KLHL29: variants seen among roughly 807,000 people sequenced by gnomAD.
The protein encoded by KLHL29 is kelch-like protein 29.
KLHL29 carries 21 observed loss-of-function variants against 80.4 expected under a neutral mutation model. The observed-to-expected ratio is 0.26, with a 90% CI of 0.19 to 0.38. The LOEUF is 0.38. Among genes scored for constraint, KLHL29 ranks in the 10% least tolerant of loss-of-function variants. The pLI, the probability that KLHL29 is intolerant of heterozygous loss-of-function variation, is 1.00. For missense variants in KLHL29, 867 were observed against 1,223.9 expected (o/e 0.71, Z 4.35); for synonymous variants, 511 against 526.8 (o/e 0.97, Z 0.41).
chr2:23,592,463 AG>A (rs1558400921), intron 3 of KLHL29, among the ~76,000 whole-genome samples: 2 of 152,238 alleles, frequency 1.3e-5, no homozygotes, highest in African/African-American at 4.8e-5. Context: ...GGAGCCAAGC[AG>A]GGACCTAGCA....
chr2:23,619,506 A>T (rs1222137875), intron 3 of KLHL29, among the ~76,000 whole-genome samples: 2 of 152,138 alleles, frequency 1.3e-5, no homozygotes, highest in Non-Finnish European at 2.9e-5. Flanking sequence ...ACTGACACTG[A>T]TGTGAGGAAA....
At chr2:23,554,069 G>A (rs1252051471) in intron 2 of KLHL29, among the ~76,000 whole-genome samples, 1 of 152,182 alleles carries the variant, frequency 6.6e-6, no homozygotes, top group Non-Finnish European at 1.5e-5. Context: ...ATGGGGCTGG[G>A]GGTCACTGGG....
At chr2:23,632,663 A>G (rs1331711993) in intron 3 of KLHL29, among the ~76,000 whole-genome samples, 2 of 152,200 alleles carry the variant, frequency 1.3e-5, no homozygotes, top group Admixed American at 6.5e-5. Flanking sequence ...CACTGTGCGA[A>G]TTTGCTCTTG....
intron 1 of KLHL29, among the ~76,000 whole-genome samples, chr2:23,444,846 ATTCT>A (rs1367975839): frequency 6.6e-6 from 1 of 152,180 alleles, no homozygotes; most frequent in East Asian, 1.9e-4. Context: ...ATTTGAAAAA[ATTCT>A]TTGTGTGATT....
At chr2:23,390,553 T>G (rs1666292490) in intron 1 of KLHL29, among the ~76,000 whole-genome samples, 1 of 152,064 alleles carries the variant, frequency 6.6e-6, no homozygotes, top group African/African-American at 2.4e-5. Flanking sequence ...CACACATATA[T>G]ATACACATAC....
intron 3 of KLHL29, among the ~76,000 whole-genome samples, chr2:23,627,499 C>A (rs1480002325): frequency 2.6e-5 from 4 of 152,164 alleles, no homozygotes; most frequent in African/African-American, 9.7e-5. Flanking sequence ...ATCTAGGCTA[C>A]CGTCCTGAGA....
At chr2:23,673,272 G>A (rs1177410184) in intron 5 of KLHL29, among the ~76,000 whole-genome samples, 1 of 120,366 alleles carries the variant, frequency 8.3e-6, no homozygotes, top group African/African-American at 2.9e-5. Context: ...ATACACAAGA[G>A]GACACACTCC....
chr2:23,665,931 C>G (rs866007536), intron 5 of KLHL29, among the ~76,000 whole-genome samples: 1 of 152,202 alleles, frequency 6.6e-6, no homozygotes, highest in African/African-American at 2.4e-5. Flanking sequence ...TATCAAGAAC[C>G]TTTTCCAAAT....
intron 3 of KLHL29, among the ~76,000 whole-genome samples, chr2:23,574,601 C>G (rs777179287): frequency 4.6e-5 from 7 of 152,024 alleles, no homozygotes; most frequent in Non-Finnish European, 1.0e-4. Context: ...TGGGATGATA[C>G]AAAAGCTTTG....
At chr2:23,664,939 G>T (rs1367079811) in intron 5 of KLHL29, among the ~76,000 whole-genome samples, 1 of 152,268 alleles carries the variant, frequency 6.6e-6, no homozygotes, top group African/African-American at 2.4e-5. Context: ...GCCTAGAAAA[G>T]CTGAGGAGGT....
intron 3 of KLHL29, among the ~76,000 whole-genome samples, chr2:23,565,861 T>C (rs1340658836): frequency 6.6e-6 from 1 of 152,208 alleles, no homozygotes; most frequent in African/African-American, 2.4e-5. Context: ...GGGGGACTAG[T>C]GTCAGTACTG....
chr2:23,458,555 AT>A (rs1362492006), intron 1 of KLHL29, among the ~76,000 whole-genome samples: 1 of 152,204 alleles, frequency 6.6e-6, no homozygotes, highest in African/African-American at 2.4e-5. Context: ...AATTAATCAT[AT>A]AATCACAAAC....
chr2:23,581,100 T>A (rs1388400374), intron 3 of KLHL29, among the ~76,000 whole-genome samples: 1 of 149,954 alleles, frequency 6.7e-6, no homozygotes, highest in Non-Finnish European at 1.5e-5. Context: ...ATTTTTTTTT[T>A]AAAGAAATAG....
At chr2:23,397,292 C>T (rs115609318) in intron 1 of KLHL29, among the ~76,000 whole-genome samples, 2,503 of 152,380 alleles carry the variant, frequency 0.016, 32 homozygotes, top group Non-Finnish European at 0.027. Context: ...CCCACAGGCT[C>T]TCCCTCACAT....
intron 1 of KLHL29, among the ~76,000 whole-genome samples, chr2:23,394,747 G>A (rs1666407505): frequency 6.6e-6 from 1 of 152,216 alleles, no homozygotes; most frequent in South Asian, 2.1e-4. Flanking sequence ...AATTTAAAGA[G>A]ACTCACCAGT....
At chr2:23,600,725 A>T (rs1328046551) in intron 3 of KLHL29, among the ~76,000 whole-genome samples, 2 of 152,196 alleles carry the variant, frequency 1.3e-5, no homozygotes, top group Non-Finnish European at 2.9e-5. Context: ...GGGGGCTCAG[A>T]GAAGGAGTGG....
At chr2:23,523,776 G>A (rs973982873) in intron 2 of KLHL29, among the ~76,000 whole-genome samples, 3 of 152,330 alleles carry the variant, frequency 2.0e-5, no homozygotes, top group East Asian at 3.9e-4. Context: ...ATAAGCCGAC[G>A]AGGGAGCAAT....
At chr2:23,616,398 A>T (rs1307124058) in intron 3 of KLHL29, 1 of 152,182 alleles carries the variant, frequency 6.6e-6, no homozygotes, top group African/African-American at 2.4e-5. Context: ...AAACACGCAC[A>T]CACACGGCAA....
intron 3 of KLHL29, among the ~76,000 whole-genome samples, chr2:23,632,702 C>T (rs951915200): frequency 2.6e-5 from 4 of 152,184 alleles, no homozygotes; most frequent in African/African-American, 4.8e-5. Context: ...TAGGAATAAC[C>T]CTGCAGAGTG....
Sources: gnomAD v4.1 joint callset for allele counts (sites outside exome capture counted in the v4.1 genomes callset) on GRCh38, gnomAD v4.1.1 for gene constraint, MANE v1.5 for transcripts, NCBI Gene and HGNC (gene_info 2026-07-23, HGNC 2026-07-21) for gene names.